LRBA: variants seen among roughly 807,000 people sequenced by gnomAD.
LRBA encodes LPS responsive beige-like anchor protein.
In LRBA, 176 loss-of-function variants were observed where a neutral mutation model predicts 330.0. The ratio of observed to expected loss-of-function variants is 0.53; its 90% CI spans 0.47 to 0.60. The LOEUF (loss-of-function observed/expected upper bound fraction) is 0.60, where lower values mean the gene tolerates loss of function less well. Among genes scored for constraint, LRBA ranks in the 20% least tolerant of loss-of-function variants. The pLI is 0.00. For synonymous variants in LRBA, 1,230 were observed against 1,193.0 expected (o/e 1.03, Z -0.64); for missense variants, 3,259 against 3,444.8 (o/e 0.95, Z 1.35).
At chr4:150,396,061 G>T (rs1453205426) in intron 47 of LRBA, among the ~76,000 whole-genome samples, 7 of 152,136 alleles carry the variant, frequency 4.6e-5, no homozygotes, top group African/African-American at 1.7e-4. Context: ...GTCTGTGAGG[G>T]TGTTTCCAGA....
Position 150,547,318 on chromosome 4 carries a change from T to C in LRBA, c.6330+40730A>G, listed in dbSNP as rs146436828. Reference sequence around the variant, plus strand: ...AAAAAGGAAAAAAGAAAAAGAAAAATGCGACAAAACACACAGACACTTGAA... The same window carrying C: ...AAAAAGGAAAAAAGAAAAAGAAAAACGCGACAAAACACACAGACACTTGAA... On this transcript the variant is annotated intron_variant, in intron 40 of 56. Coordinates refer to ENST00000651943, the MANE Select transcript of LRBA (RefSeq NM_001364905.1). 2.4e-3 allele frequency among the ~76,000 whole-genome samples: 360 copies of C among 152,070 alleles called. 2 individuals are homozygous for C. The highest frequency in any genetic ancestry group is 3.8e-3 in the Non-Finnish European group (256 of 67,966).
intron 46 of LRBA, among the ~76,000 whole-genome samples, chr4:150,428,029 A>G (rs1749873435): frequency 6.6e-6 from 1 of 152,056 alleles, no homozygotes; most frequent in African/African-American, 2.4e-5. Flanking sequence ...CACAAGCCAC[A>G]AAACTATTCT....
intron 34 of LRBA, among the ~76,000 whole-genome samples, chr4:150,793,613 AAC>A (rs917644071): frequency 3.9e-5 from 6 of 152,228 alleles, no homozygotes; most frequent in African/African-American, 1.4e-4. Flanking sequence ...ATAGAAAAAA[AAC>A]ACAGTGCTTG....
chr4:150,462,436 A>G (rs1223292186), intron 44 of LRBA, among the ~76,000 whole-genome samples: 4 of 151,848 alleles, frequency 2.6e-5, no homozygotes, highest in Non-Finnish European at 5.9e-5. Flanking sequence ...ATGATTATAA[A>G]GAGATATATT....
At chr4:150,490,501 T>C (rs1758777742) in intron 41 of LRBA, among the ~76,000 whole-genome samples, 1 of 151,836 alleles carries the variant, frequency 6.6e-6, no homozygotes, top group African/African-American at 2.4e-5. Context: ...ATGGTTCCTT[T>C]ATAAAAGCAA....
intron 2 of LRBA, among the ~76,000 whole-genome samples, chr4:150,946,718 C>G (rs72719702): frequency 6.6e-6 from 1 of 151,568 alleles, no homozygotes; most frequent in Non-Finnish European, 1.5e-5. Flanking sequence ...CCAAAACAAG[C>G]AGAAAGAAGG....
intron 43 of LRBA, 73 bp downstream of exon 43, chr4:150,471,551 T>G (rs1242059384): frequency 1.2e-6 from 1 of 831,836 alleles, no homozygotes; most frequent in Admixed American, 2.5e-5. Context: ...GTTATACCAC[T>G]ACTTAAAATA....
chr4:150,467,423 C>T (rs1755579627), intron 44 of LRBA, among the ~76,000 whole-genome samples: 3 of 151,972 alleles, frequency 2.0e-5, no homozygotes, highest in Admixed American at 6.6e-5. Flanking sequence ...ATTTTAAATA[C>T]CACAATTTGG....
At chr4:150,919,319 A>ATACT (rs965602782) in intron 5 of LRBA, among the ~76,000 whole-genome samples, 28 of 152,322 alleles carry the variant, frequency 1.8e-4, no homozygotes, top group Admixed American at 1.0e-3. Flanking sequence ...TTTACCTACT[A>ATACT]TACTATATAC....
chr4:150,954,911 T>G (rs895273758), intron 2 of LRBA, among the ~76,000 whole-genome samples: 5 of 146,900 alleles, frequency 3.4e-5, no homozygotes, highest in Non-Finnish European at 5.9e-5. Flanking sequence ...GAAAGAAATT[T>G]TGGAAACTCA....
chr4:150,280,098 T>G (rs1747315902), intron 55 of LRBA, among the ~76,000 whole-genome samples: 1 of 152,172 alleles, frequency 6.6e-6, no homozygotes, highest in Admixed American at 6.5e-5. Context: ...TTTTAATGAA[T>G]CAGATGCCTC....
At chr4:150,755,934 T>G (rs1413817472) in intron 35 of LRBA, among the ~76,000 whole-genome samples, 1 of 150,504 alleles carries the variant, frequency 6.6e-6, no homozygotes, top group Admixed American at 6.6e-5. Context: ...CAGTCCCAGA[T>G]ACTTAGGAGG....
At chr4:150,783,984 C>CA (rs910951741) in intron 34 of LRBA, among the ~76,000 whole-genome samples, 1 of 152,114 alleles carries the variant, frequency 6.6e-6, no homozygotes, top group African/African-American at 2.4e-5. Flanking sequence ...AGTATGTACT[C>CA]AGAGATAAAA....
chr4:150,686,033 G>A (rs187573475), intron 36 of LRBA, among the ~76,000 whole-genome samples: 5 of 152,106 alleles, frequency 3.3e-5, no homozygotes, highest in Non-Finnish European at 7.4e-5. Flanking sequence ...AGATTGGGAA[G>A]CAAAATAAAA....
At chr4:150,437,023 A>C (rs1423448084) in intron 44 of LRBA, among the ~76,000 whole-genome samples, 159 bp from the exon 45 acceptor site, 2 of 152,176 alleles carry the variant, frequency 1.3e-5, no homozygotes, top group Admixed American at 6.6e-5. Flanking sequence ...GTAAAAAGCA[A>C]TATTTTTTCC....
chr4:150,609,348 C>T (rs1774995964), intron 37 of LRBA, among the ~76,000 whole-genome samples: 1 of 152,132 alleles, frequency 6.6e-6, no homozygotes, highest in Admixed American at 6.5e-5. Flanking sequence ...TCCTGATGGT[C>T]TGACACAATG....
rs116430586 is a variant in LRBA at position 150,530,724 on chromosome 4, G to A, written c.6331-39689C>T. Among the ~76,000 whole-genome samples the A allele has an allele frequency of 9.2e-4, 140 of 152,216 alleles. 4 individuals are homozygous for A. The highest frequency in any genetic ancestry group is 3.3e-3 in the African/African-American group (138 of 41,514). Reference sequence around the variant, plus strand: ...TACTTGCACTGGAATTCCTGTTTCAGCATCTCAACCTGGGGAAACCTGACA... The same window carrying A: ...TACTTGCACTGGAATTCCTGTTTCAACATCTCAACCTGGGGAAACCTGACA... On this transcript the variant is annotated intron_variant, in intron 40 of 56. Coordinates refer to ENST00000651943, the MANE Select transcript of LRBA (RefSeq NM_001364905.1).
intron 47 of LRBA, among the ~76,000 whole-genome samples, chr4:150,409,789 T>C (rs1216475367): frequency 2.0e-5 from 3 of 152,146 alleles, no homozygotes; most frequent in Non-Finnish European, 4.4e-5. Flanking sequence ...CCTCGTTTTT[T>C]AACTAAAAAT....
chr4:150,671,611 A>G (rs1224829062), intron 37 of LRBA, among the ~76,000 whole-genome samples: 1 of 152,226 alleles, frequency 6.6e-6, no homozygotes, highest in Non-Finnish European at 1.5e-5. Flanking sequence ...ACAATTTCTC[A>G]TTTGTCACAT....
Sources: gnomAD v4.1 joint callset for allele counts (sites outside exome capture counted in the v4.1 genomes callset) on GRCh38, gnomAD v4.1.1 for gene constraint, MANE v1.5 for transcripts, NCBI Gene and HGNC (gene_info 2026-07-23, HGNC 2026-07-21) for gene names.